TMTC1: variants seen among roughly 807,000 people sequenced by gnomAD.
TMTC1 encodes protein O-mannosyl-transferase TMTC1.
Under a neutral mutation model 104.8 loss-of-function variants are expected in TMTC1, and 73 were observed. The observed-to-expected ratio is 0.70, with a 90% CI of 0.58 to 0.85. The LOEUF (loss-of-function observed/expected upper bound fraction) is 0.85. Among genes scored for constraint, TMTC1 ranks in the 40% least tolerant of loss-of-function variants. The pLI is 0.00. For missense variants in TMTC1, 1,035 were observed against 1,096.1 expected, an observed-to-expected ratio of 0.94 and a Z score of 0.79; for synonymous variants, 434 against 428.7, an observed-to-expected ratio of 1.01 and a Z score of -0.15.
chr12:29,674,711 G>T lies in TMTC1; in HGVS notation c.939-41375C>A, dbSNP rs1202277897. 3.3e-5 allele frequency among the ~76,000 whole-genome samples: 5 copies of T among 152,276 alleles called. No homozygotes were observed. In the East Asian group the frequency reaches 9.7e-4, roughly 29 times the overall value. On this transcript the variant is annotated intron_variant, in intron 5 of 17. Transcript: ENST00000539277. Reference sequence around the variant, plus strand: ...GCCCATGCTCTGTTCAACGACCTGTGGTGCCCAGGCACTGGCTTTACCTGC... The same window carrying T: ...GCCCATGCTCTGTTCAACGACCTGTTGTGCCCAGGCACTGGCTTTACCTGC...
rs183199464 is a variant in TMTC1, at chr12:29,700,334, G to A, written c.938+51332C>T. On this transcript the variant is annotated intron_variant, in intron 5 of 17. Coordinates refer to ENST00000539277, the MANE Select transcript of TMTC1 (RefSeq NM_001193451.2). ...TGCAAGCTCCGCCTCCCGGGTTCAC[G>A]CCATTCTCCTGCCTCAGCCTCCCGA... Among the ~76,000 whole-genome samples the A allele has an allele frequency of 3.0e-4, 46 of 151,196 alleles. No individual in the cohort carries two copies. The East Asian group carries it at 7.6e-3, about 25-fold the overall frequency.
intron 3 of TMTC1, among the ~76,000 whole-genome samples, chr12:29,757,470 G>C (rs941995064): frequency 1.3e-5 from 2 of 152,170 alleles, no homozygotes; most frequent in African/African-American, 2.4e-5. Context: ...CTAGGACGAG[G>C]AGGAAAATCA....
intron 5 of TMTC1, chr12:29,640,933 T>A (rs1272566018): frequency 6.6e-6 from 1 of 152,210 alleles, no homozygotes; most frequent in Non-Finnish European, 1.5e-5. Context: ...GCCCTTCGGT[T>A]TGTGTGGGAG....
intron 5 of TMTC1, among the ~76,000 whole-genome samples, chr12:29,672,862 G>C (rs996792611): frequency 7.2e-5 from 11 of 152,096 alleles, no homozygotes; most frequent in Non-Finnish European, 1.5e-5. Flanking sequence ...CTCATAAAAC[G>C]CAACACCCGT....
intron 1 of TMTC1, among the ~76,000 whole-genome samples, chr12:29,774,565 G>A (rs1443662793): frequency 6.6e-6 from 1 of 152,174 alleles, no homozygotes; most frequent in Non-Finnish European, 1.5e-5. Context: ...TAAGCACACA[G>A]CACATTCTCC....
At chr12:29,570,489 T>G (rs903145186) in intron 9 of TMTC1, among the ~76,000 whole-genome samples, 3 of 152,238 alleles carry the variant, frequency 2.0e-5, no homozygotes, top group African/African-American at 7.2e-5. Context: ...CTGGAACTTA[T>G]AATTCTTGTA....
At chr12:29,737,097 T>G (rs1237197987) in intron 5 of TMTC1, among the ~76,000 whole-genome samples, 1 of 152,254 alleles carries the variant, frequency 6.6e-6, no homozygotes, top group Non-Finnish European at 1.5e-5. Flanking sequence ...ACCCGACATT[T>G]CACTTTAAGG....
chr12:29,637,462 T>C (rs1000585363), intron 5 of TMTC1, among the ~76,000 whole-genome samples: 1 of 152,184 alleles, frequency 6.6e-6, no homozygotes, highest in African/African-American at 2.4e-5. Context: ...CAAAATGGAA[T>C]ATATGGCACA....
In TMTC1 at chr12:29,726,687, A is replaced by G. The variant is rs12317831; in HGVS notation, c.938+24979T>C. 7.9e-5 allele frequency among the ~76,000 whole-genome samples: 12 copies of G among 152,150 alleles called. No homozygotes were observed. The East Asian group carries it at 2.3e-3, about 29-fold the overall frequency. ...CTATTGCATCCCTTACCCTTTAACA[A>G]TCCAAAAATTCCATCCCTGGTTAAA... On this transcript the variant is annotated intron_variant, in intron 5 of 17. Coordinates refer to ENST00000539277, the MANE Select transcript of TMTC1 (RefSeq NM_001193451.2).
At chr12:29,764,349 T>C (rs1016654412) in intron 2 of TMTC1, among the ~76,000 whole-genome samples, 10 of 152,200 alleles carry the variant, frequency 6.6e-5, no homozygotes, top group African/African-American at 9.7e-5. Context: ...TATAAGGCTA[T>C]TGATATTTAT....
At chr12:29,597,164 C>G (rs146036918) in intron 7 of TMTC1, among the ~76,000 whole-genome samples, 1 of 151,892 alleles carries the variant, frequency 6.6e-6, no homozygotes, top group African/African-American at 2.4e-5. Flanking sequence ...TTCCTCCTGA[C>G]GTTCCTAGTG....
chr12:29,752,128 A>AACACAC (rs146261837), intron 4 of TMTC1, among the ~76,000 whole-genome samples: 14,697 of 150,110 alleles, frequency 0.098, 911 homozygotes, highest in Admixed American at 0.2. Flanking sequence ...GATGGCCACC[A>AACACAC]ACACACACAC....
intron 6 of TMTC1, among the ~76,000 whole-genome samples, chr12:29,629,242 A>T (rs1003121367): frequency 6.6e-6 from 1 of 151,654 alleles, no homozygotes; most frequent in African/African-American, 2.4e-5. Context: ...AATGGCGTGA[A>T]CCCGGGAGGT....
chr12:29,583,983 C>T (rs567042017), intron 7 of TMTC1, among the ~76,000 whole-genome samples: 17 of 152,160 alleles, frequency 1.1e-4, no homozygotes, highest in Non-Finnish European at 2.1e-4. Context: ...TATGCTGCAG[C>T]AGGTCACACC....
At chr12:29,675,266 T>C (rs1940680433) in intron 5 of TMTC1, among the ~76,000 whole-genome samples, 1 of 148,406 alleles carries the variant, frequency 6.7e-6, no homozygotes, top group Non-Finnish European at 1.5e-5. Context: ...AACACAATTT[T>C]CCTGTCCTAA....
intron 2 of TMTC1, among the ~76,000 whole-genome samples, chr12:29,766,027 T>C (rs1420412699): frequency 1.3e-5 from 2 of 152,214 alleles, no homozygotes; most frequent in East Asian, 3.8e-4. Context: ...ATTACAGTCA[T>C]TTACTGTCAC....
At chr12:29,623,825 A>ATAAATT (rs1555177662) in intron 6 of TMTC1, among the ~76,000 whole-genome samples, 2 of 148,824 alleles carry the variant, frequency 1.3e-5, no homozygotes, top group African/African-American at 5.2e-5. Flanking sequence ...AAATAAATAA[A>ATAAATT]TAAATTAAAT....
intron 10 of TMTC1, among the ~76,000 whole-genome samples, chr12:29,545,271 C>T (rs916195347): frequency 2.0e-5 from 3 of 152,144 alleles, no homozygotes; most frequent in Admixed American, 6.5e-5. Context: ...GACCAGAAAC[C>T]TGTAGTTGTA....
chr12:29,729,265 ACT>A (rs1942485532), intron 5 of TMTC1, among the ~76,000 whole-genome samples: 1 of 151,582 alleles, frequency 6.6e-6, no homozygotes, highest in African/African-American at 2.4e-5. Context: ...TGCTAACTCC[ACT>A]GTCTCCCTAC....
Sources: gnomAD v4.1 joint callset for allele counts (sites outside exome capture counted in the v4.1 genomes callset) on GRCh38, gnomAD v4.1.1 for gene constraint, MANE v1.5 for transcripts, NCBI Gene and HGNC (gene_info 2026-07-23, HGNC 2026-07-21) for gene names.